RIOX1: variants seen among roughly 807,000 people sequenced by gnomAD.
RIOX1 encodes 60S ribosomal protein L8 histidine hydroxylase.
In RIOX1, 33 loss-of-function variants were observed where a neutral mutation model predicts 44.6. The ratio of observed to expected loss-of-function variants is 0.74; its 90% CI spans 0.56 to 0.99. RIOX1 has a LOEUF of 0.99. Among genes scored for constraint, RIOX1 ranks in the 50% least tolerant of loss-of-function variants. The probability of loss-of-function intolerance (pLI) is 0.00; values close to 1 mark genes in which losing one functional copy is unlikely to be tolerated. For synonymous variants in RIOX1, 387 were observed against 395.8 expected (o/e 0.98, Z 0.26); for missense variants, 821 against 871.7 (o/e 0.94, Z 0.73).
Position 73,492,353 on chromosome 14 carries a change from G to A in RIOX1, c.1336G>A (p.Glu446Lys), listed in dbSNP as rs759738436. The change falls in exon 1 of 1, where the codon GAA (glutamate) becomes AAA (lysine). Residue 446 changes from glutamate to lysine, a missense_variant. By Grantham distance (56) the Glu-to-Lys change is moderately conservative. Transcript: ENST00000304061. The surrounding 1 kb of genome is among the most constrained non-coding windows in gnomAD (Gnocchi z 4.9). The part of the protein sequence containing the change: ...LPLAVQAAME[E>K]NVEFRRGLPR... The stretch of plus-strand genomic sequence containing the variant: ...TCTGGCAGTGCAGGCTGCAATGGAA[G>A]AAAATGTGGAGTTTCGGAGGGGTCT... 2.5e-6 allele frequency: 4 copies of A among 1,613,930 alleles called. No homozygotes were observed. The highest frequency in any genetic ancestry group is 2.2e-5 in the South Asian group (2 of 91,080).
rs978918880 is a variant in RIOX1 at position 73,491,038 on chromosome 14, T to C, written c.21T>C (p.Ser7=). The C allele has an allele frequency of 4.4e-6, 7 of 1,583,664 alleles. No individual in the cohort carries two copies. Among genetic ancestry groups the C allele is most frequent in the Non-Finnish European group, 6.0e-6 (7 of 1,164,822 alleles). The change falls in exon 1 of 1, where the codon AGT becomes AGC. Residue 7 remains serine, a synonymous_variant. Transcript: ENST00000304061. ...TGGCCATGGATGGGCTCCAGGCCAG[T>C]GCAGGGCCGTTGAGGCGCGGGCGGC... MDGLQA[S]AGPLRRGRPK...
Position 73,491,441 on chromosome 14 carries a change from G to A in RIOX1, c.424G>A (p.Val142Met). Residue 142 changes from valine (V) to methionine (M), a missense_variant, in exon 1 of 1, where the codon GTG becomes ATG. Val to Met is a conservative substitution (Grantham distance 21, BLOSUM62 1). Around this residue, in one of 2 missense-constraint regions of RIOX1, gnomAD observed 554 missense variants for 531.2 expected, o/e 1.04. Transcript: ENST00000304061. The part of the protein sequence containing the change: ...LVEVPAAPVR[V>M]VETSALLCTA... ...GGAGGTGCCCGCCGCGCCGGTCCGG[G>A]TGGTGGAGACCTCGGCCCTGCTGTG... 7.2e-7 allele frequency: 1 copy of A among 1,380,092 alleles called. No individual in the cohort carries two copies. The highest frequency in any genetic ancestry group is 9.3e-7 in the Non-Finnish European group (1 of 1,078,018). 85.5% of individuals were successfully genotyped at this position (1,380,092 alleles called of 1,614,324 possible).
chr14:73,491,606 A>G lies in RIOX1; in HGVS notation c.589A>G (p.Ser197Gly), dbSNP rs1885748545. 6.5e-7 allele frequency: 1 copy of G among 1,547,152 alleles called. No individual in the cohort carries two copies. The highest frequency in any genetic ancestry group is 2.4e-5 in the East Asian group (1 of 40,892). ...CTTGGCCGAGCTGAACCGCATCCCC[A>G]GCAGCCGGCGGCGAGCGGCCCGCCT... ...RVLAELNRIPSSRRRAARLFE... is the reference protein window; with the variant it reads ...RVLAELNRIPGSRRRAARLFE... Residue 197 changes from serine to glycine, a missense_variant, in exon 1 of 1, where the codon AGC (serine) becomes GGC (glycine). By Grantham distance (56) the Ser-to-Gly change is moderately conservative. This residue lies in a region of RIOX1 where 554 missense variants were observed against 531.2 expected (regional missense o/e 1.04). Coordinates refer to ENST00000304061, the MANE Select transcript of RIOX1 (RefSeq NM_024644.5).
rs747494362 is a variant in RIOX1 at position 73,491,389 on chromosome 14, C to T, written c.372C>T (p.Pro124=). The stretch of plus-strand genomic sequence containing the variant: ...AGACCCCGTCGGCGCGCCTGGTGCC[C>T]GCTTCCGCGCCGCCCGCGCGCCTGG... ...SLQTPSARLV[P]ASAPPARLVE... The change falls in exon 1 of 1, where the codon CCC becomes CCT. Residue 124 remains proline (P), a synonymous_variant. Coordinates refer to ENST00000304061, the MANE Select transcript of RIOX1 (RefSeq NM_024644.5). 7.4e-6 allele frequency: 10 copies of T among 1,349,584 alleles called. No individual in the cohort carries two copies. The South Asian group carries it at 2.0e-4, about 26-fold the overall frequency. 83.6% of individuals were successfully genotyped at this position (1,349,584 alleles called of 1,614,324 possible). A position where few individuals can be genotyped will look rare whatever the true frequency, so the allele number is the denominator to read the frequency against.
In RIOX1 at chr14:73,492,005, A is replaced by T. The variant is rs1394950635; in HGVS notation, c.988A>T (p.Thr330Ser). The T allele has an allele frequency of 6.2e-7, 1 of 1,613,836 alleles. No homozygotes were observed. Among genetic ancestry groups the T allele is most frequent in the Non-Finnish European group, 8.5e-7 (1 of 1,179,872 alleles). The change falls in exon 1 of 1, where the codon ACG (threonine) becomes TCG (serine). Residue 330 changes from threonine (T) to serine (S), a missense_variant. Thr to Ser is a moderately conservative substitution (Grantham distance 58, BLOSUM62 1). This residue lies in a region of RIOX1 where 554 missense variants were observed against 531.2 expected (regional missense o/e 1.04). Coordinates refer to ENST00000304061, the MANE Select transcript of RIOX1 (RefSeq NM_024644.5). The surrounding 1 kb of genome is among the most constrained non-coding windows in gnomAD (Gnocchi z 4.9). ...CATGGCAGGCTCCAACGTTTACCTC[A>T]CGCCCCCTAACTCGCAGGGCTTTGC... ...GSMAGSNVYL[T>S]PPNSQGFAPH...
chr14:73,492,293 A>G lies in RIOX1; in HGVS notation c.1276A>G (p.Asn426Asp), dbSNP rs1262148054. The change falls in exon 1 of 1, where the codon AAT (asparagine) becomes GAT (aspartate). Residue 426 changes from asparagine (N) to aspartate (D), a missense_variant. Transcript: ENST00000304061. The surrounding 1 kb of genome is among the most constrained non-coding windows in gnomAD (Gnocchi z 4.9). ...CCTCACCTTGTCCACGTACCAGCGC[A>G]ATACCTGGGGTGACTTCTTAGAGGC... is the stretch of plus-strand genomic sequence containing the variant. ...LHLTLSTYQR[N>D]TWGDFLEAIL... 2 of 1,614,032 alleles carry G rather than the reference A, an allele frequency of 1.2e-6. No individual in the cohort carries two copies. The highest frequency in any genetic ancestry group is 1.7e-5 in the Admixed American group (1 of 60,024).
Sources: allele counts gnomAD v4.1 joint callset, GRCh38; gene constraint gnomAD v4.1.1; regional missense constraint gnomAD v4.1.1; non-coding constraint Gnocchi (gnomAD v3.1); transcripts MANE v1.5; gene names NCBI Gene and HGNC (gene_info 2026-07-23, HGNC 2026-07-21).